Variants in SPOCK3 observed in about 807,000 individuals in gnomAD.
SPOCK3 encodes testican-3.
SPOCK3 carries 30 observed loss-of-function variants against 56.6 expected under a neutral mutation model. That is an observed-to-expected ratio of 0.53 (90% CI 0.40 to 0.72). The LOEUF is 0.72. SPOCK3 is among the 30% of genes least tolerant of loss of function. The probability of loss-of-function intolerance (pLI) is 0.00; values close to 1 mark genes in which losing one functional copy is unlikely to be tolerated. For missense variants in SPOCK3, 527 were observed against 530.0 expected (o/e 0.99, Z 0.06); for synonymous variants, 196 against 183.3 (o/e 1.07, Z -0.56).
rs1737465769 is a variant in SPOCK3, at chr4:167,234,032, T to C, written c.142A>G (p.Ile48Val). ...CCGACTTCCTTGTCATACTGAGAGA[T>C]TGTGGTGAGCCATTGTTTATCATCC... is the stretch of plus-strand genomic sequence containing the variant. ...FLDDKQWLTTISQYDKEVGQW... is the reference protein window; with the variant it reads ...FLDDKQWLTTVSQYDKEVGQW... The change falls in exon 2 of 11, where the codon ATC (isoleucine) becomes GTC (valine). Residue 48 changes from isoleucine to valine, a missense_variant. Physicochemically the swap from Ile to Val is conservative, Grantham distance 29 (BLOSUM62 3). Coordinates refer to ENST00000357545, the MANE Select transcript of SPOCK3 (RefSeq NM_001040159.2). The C allele has an allele frequency of 1.2e-6, 2 of 1,613,936 alleles. No individual in the cohort carries two copies. The highest frequency in any genetic ancestry group is 4.5e-5 in the East Asian group (2 of 44,816).
At position 166,740,190 on chromosome 4, in the gene SPOCK3, C is replaced by G. The variant is rs377229194; in HGVS notation, c.994+1807G>C. Among the ~76,000 whole-genome samples the G allele has an allele frequency of 7.9e-5, 12 of 152,168 alleles. No homozygotes were observed. The South Asian group carries it at 1.7e-3, about 21-fold the overall frequency. The stretch of plus-strand genomic sequence containing the variant: ...AATCAGGACATGGGGCATCATACTC[C>G]TATATAACAAGTGATCAATTTCAGA... On this transcript the variant is annotated intron_variant, in intron 9 of 10. Coordinates refer to ENST00000357545, the MANE Select transcript of SPOCK3 (RefSeq NM_001040159.2).
intron 2 of SPOCK3, among the ~76,000 whole-genome samples, chr4:167,123,712 A>T (rs1262472575): frequency 6.6e-6 from 1 of 151,824 alleles, no homozygotes; most frequent in African/African-American, 2.4e-5. Context: ...GAGCCCAGAA[A>T]AGACAGCTCC....
At chr4:167,124,253 A>G (rs1762101364) in intron 2 of SPOCK3, among the ~76,000 whole-genome samples, 1 of 152,150 alleles carries the variant, frequency 6.6e-6, no homozygotes. Flanking sequence ...CTTATGATTA[A>G]AATATAGTCT....
chr4:166,767,697 T>C (rs1324263964), intron 7 of SPOCK3, among the ~76,000 whole-genome samples: 4 of 152,190 alleles, frequency 2.6e-5, no homozygotes, highest in Non-Finnish European at 5.9e-5. Flanking sequence ...CGTAGATGTC[T>C]ATTAGGTCGG....
chr4:167,134,107 C>T (rs1167892809), intron 2 of SPOCK3, among the ~76,000 whole-genome samples: 1 of 143,792 alleles, frequency 7.0e-6, no homozygotes, highest in South Asian at 2.2e-4. Flanking sequence ...TGGCTCACTG[C>T]AACCTCCGCT....
intron 4 of SPOCK3, among the ~76,000 whole-genome samples, chr4:166,913,534 C>A (rs1737507350): frequency 1.3e-5 from 2 of 152,136 alleles, no homozygotes; most frequent in Admixed American, 1.3e-4. Flanking sequence ...TCATTTATTA[C>A]AACTGCTTAT....
chr4:167,030,951 T>C (rs7663397), intron 3 of SPOCK3, among the ~76,000 whole-genome samples: 54,588 of 151,580 alleles, frequency 0.36, 12,130 homozygotes, highest in African/African-American at 0.63. Flanking sequence ...ATTTCCCGTC[T>C]GTGAGATATT....
intron 5 of SPOCK3, among the ~76,000 whole-genome samples, chr4:166,893,094 G>C (rs887410155): frequency 6.6e-6 from 1 of 151,874 alleles, no homozygotes; most frequent in Non-Finnish European, 1.5e-5. Flanking sequence ...TGATTGTTTG[G>C]GCATCTACTA....
At chr4:166,938,955 CCACACACACA>C (rs59234659) in intron 4 of SPOCK3, among the ~76,000 whole-genome samples, 18 of 148,432 alleles carry the variant, frequency 1.2e-4, no homozygotes, top group Admixed American at 1.2e-3. Flanking sequence ...CATACACACA[CCACACACACA>C]CACACACACA....
chr4:167,077,626 T>G (rs1031162049), intron 2 of SPOCK3, among the ~76,000 whole-genome samples: 3 of 152,000 alleles, frequency 2.0e-5, no homozygotes, highest in Non-Finnish European at 4.4e-5. Flanking sequence ...AAGAATGATT[T>G]TCTAATGTGG....
At chr4:167,161,798 C>A (rs1413269256) in intron 2 of SPOCK3, among the ~76,000 whole-genome samples, 5 of 149,100 alleles carry the variant, frequency 3.4e-5, no homozygotes, top group Non-Finnish European at 7.4e-5. Flanking sequence ...GGACAAAAAA[C>A]CAAACACTGC....
chr4:167,196,864 T>A (rs1451672656), intron 2 of SPOCK3, among the ~76,000 whole-genome samples: 1 of 152,140 alleles, frequency 6.6e-6, no homozygotes, highest in Non-Finnish European at 1.5e-5. Flanking sequence ...GACAATCTTT[T>A]CCCACAGTCT....
chr4:167,123,292 T>C (rs1444386979), intron 2 of SPOCK3, among the ~76,000 whole-genome samples: 1 of 152,174 alleles, frequency 6.6e-6, no homozygotes, highest in African/African-American at 2.4e-5. Flanking sequence ...ATATCAGCAG[T>C]AGCTATATAT....
In SPOCK3 at chr4:166,807,582, T is replaced by C. The variant is rs369382794; in HGVS notation, c.590-15293A>G. ...TTCAATGATGTGAAGTCAAGACCAC[T>C]GCTGCCAGTTGAGCAGAGTGAAGGA... On this transcript the variant is annotated intron_variant, in intron 6 of 10. Transcript: ENST00000357545. Among the ~76,000 whole-genome samples, 51 of 152,272 alleles carry C rather than the reference T, an allele frequency of 3.3e-4. No individual in the cohort carries two copies. The East Asian group carries it at 6.6e-3, about 20-fold the overall frequency.
At chr4:167,029,038 C>T (rs1405927961) in intron 3 of SPOCK3, among the ~76,000 whole-genome samples, 1 of 151,928 alleles carries the variant, frequency 6.6e-6, no homozygotes, top group Non-Finnish European at 1.5e-5. Flanking sequence ...GGTATTAAGC[C>T]CAGCATCCAT....
chr4:166,814,887 T>C (rs961486820), intron 6 of SPOCK3, among the ~76,000 whole-genome samples: 1 of 152,072 alleles, frequency 6.6e-6, no homozygotes, highest in African/African-American at 2.4e-5. Flanking sequence ...CACTTTTCTC[T>C]AGTTAAAAAT....
intron 4 of SPOCK3, among the ~76,000 whole-genome samples, chr4:166,985,087 A>T (rs1315245454): frequency 6.6e-6 from 1 of 152,152 alleles, no homozygotes; most frequent in Non-Finnish European, 1.5e-5. Context: ...TTTATCATTG[A>T]TAATTTCATT....
intron 3 of SPOCK3, among the ~76,000 whole-genome samples, chr4:167,024,452 T>G (rs1170536197): frequency 1.3e-5 from 2 of 152,074 alleles, no homozygotes; most frequent in Admixed American, 6.6e-5. Context: ...ATAAATTTCT[T>G]CTAATAAATT....
intron 6 of SPOCK3, among the ~76,000 whole-genome samples, chr4:166,797,233 C>CCTTTT (rs1742037635): frequency 1.2e-5 from 1 of 80,752 alleles, no homozygotes; most frequent in Non-Finnish European, 2.5e-5. Flanking sequence ...TTCCACCTTT[C>CCTTTT]TTTTTTTTTT....
Sources: allele counts gnomAD v4.1 joint callset (sites outside exome capture counted in the v4.1 genomes callset), GRCh38; gene constraint gnomAD v4.1.1; transcripts MANE v1.5; gene names NCBI Gene and HGNC (gene_info 2026-07-23, HGNC 2026-07-21).